The following ZNF780B variants were observed in gnomAD, a reference collection of about 807,000 sequenced individuals.
ZNF780B encodes the protein zinc finger protein 780B, also known as zinc finger protein 779.
A neutral mutation model predicts 74.1 loss-of-function variants in ZNF780B; 52 were observed. The ratio of observed to expected loss-of-function variants is 0.70; its 90% CI spans 0.56 to 0.88. The LOEUF is 0.88. Ranked by LOEUF, ZNF780B falls within the 40% of genes least tolerant of loss-of-function variation. The pLI, the probability that ZNF780B is intolerant of heterozygous loss-of-function variation, is 0.00. For synonymous variants in ZNF780B, 315 were observed against 324.3 expected, an observed-to-expected ratio of 0.97 and a Z score of 0.31; for missense variants, 953 against 1,007.6, an observed-to-expected ratio of 0.95 and a Z score of 0.73.
chr19:40,037,197 G>T (rs1972380044), intron 4 of ZNF780B, among the ~76,000 whole-genome samples: 1 of 150,308 alleles, frequency 6.7e-6, no homozygotes, highest in African/African-American at 2.4e-5. Flanking sequence ...TTACAGGTGT[G>T]AGCCATTGTG....
In ZNF780B at chr19:40,033,712, G is replaced by C. The variant is rs1972096652; in HGVS notation, c.*645C>G. On this transcript the variant is annotated 3_prime_UTR_variant, in exon 5 of 5. Coordinates refer to ENST00000434248, the MANE Select transcript of ZNF780B (RefSeq NM_001005851.3). ...TTCTAACTATAATGAATTTTCTGAT[G>C]TTGCGTAAGCAGATCATTCACAGTA... is the stretch of plus-strand genomic sequence containing the variant. 1 of 156,270 alleles carries C rather than the reference G, an allele frequency of 6.4e-6. No individual in the cohort carries two copies. 9.7% of individuals were successfully genotyped at this position (156,270 alleles called of 1,614,324 possible).
chr19:40,030,843 G>C lies in ZNF780B; in HGVS notation c.*3514C>G, dbSNP rs1971977473. The C allele has an allele frequency of 6.6e-6, 1 of 152,002 alleles. No homozygotes were observed. Among genetic ancestry groups the C allele is most frequent in the African/African-American group, 2.4e-5 (1 of 41,386 alleles). 9.4% of individuals were successfully genotyped at this position (152,002 alleles called of 1,614,324 possible). ...ACCCAGGGACTCTGCTGATTTCAAA[G>C]AAGAAAGTTCAAGAGAATGGATAGA... On this transcript the variant is annotated 3_prime_UTR_variant, in exon 5 of 5. Transcript: ENST00000434248.
chr19:40,035,707 T>C lies in ZNF780B; in HGVS notation c.1152A>G (p.Thr384=), dbSNP rs760975032. The C allele has an allele frequency of 6.2e-7, 1 of 1,614,084 alleles. No homozygotes were observed. Among genetic ancestry groups the C allele is most frequent in the African/African-American group, 1.3e-5 (1 of 75,018 alleles). The stretch of plus-strand genomic sequence containing the variant: ...CTTTACATTCAAATGGTTTTTCACC[T>C]GTGTGAATATTCTTATGGCGATTAA... The part of the protein sequence containing the change: ...NQLNRHKNIH[T]GEKPFECKEC... Residue 384 remains threonine (T), a synonymous_variant, in exon 5 of 5, where the codon ACA becomes ACG. Coordinates refer to ENST00000434248, the MANE Select transcript of ZNF780B (RefSeq NM_001005851.3).
chr19:40,046,196 T>C (rs1972925733), intron 4 of ZNF780B, among the ~76,000 whole-genome samples: 1 of 151,706 alleles, frequency 6.6e-6, no homozygotes, highest in Non-Finnish European at 1.5e-5. Context: ...CAGAGTAGAG[T>C]GACTCTAATT....
chr19:40,050,513 C>T, intron 1 of ZNF780B, 136 bp from the exon 2 acceptor site: 1 of 897,182 alleles, frequency 1.1e-6, no homozygotes, highest in Non-Finnish European at 1.7e-6. Context: ...TCTCCCGTCA[C>T]TCCCTTTTTC....
rs1331772576 is a variant in ZNF780B at position 40,036,381 on chromosome 19, T to A, written c.478A>T (p.Asn160Tyr). 1 of 1,611,502 alleles carries A rather than the reference T, an allele frequency of 6.2e-7. No individual in the cohort carries two copies. The highest frequency in any genetic ancestry group is 2.2e-5 in the East Asian group (1 of 44,842). The change falls in exon 5 of 5, where the codon AAT becomes TAT. Residue 160 changes from asparagine to tyrosine, a missense_variant. Physicochemically the swap from Asn to Tyr is moderately radical, Grantham distance 143 (BLOSUM62 -2). Transcript: ENST00000434248. ...PAYTHASPIH[N>Y]THKPYECKEC... ...TTACATTCATATGGTTTATGTGTAT[T>A]ATGAATAGGAGAAGCATGAGTATAA...
chr19:40,039,327 G>C (rs984135776), intron 4 of ZNF780B, among the ~76,000 whole-genome samples: 1 of 152,222 alleles, frequency 6.6e-6, no homozygotes, highest in African/African-American at 2.4e-5. Context: ...TTGTAGTATA[G>C]TTTGAAGTCA....
Position 40,050,319 on chromosome 19 carries a change from C to T in ZNF780B, c.9+5G>A. On this transcript the variant is annotated splice_donor_5th_base_variant and intron_variant, in intron 2 of 4. Coordinates refer to ENST00000434248, the MANE Select transcript of ZNF780B (RefSeq NM_001005851.3). ...TATTTCAAGAAGACAGAAACACCAA[C>T]TTACATGGACCATGTTTCTAGAATT... 6.3e-7 allele frequency: 1 copy of T among 1,594,366 alleles called. No homozygotes were observed. The highest frequency in any genetic ancestry group is 1.3e-5 in the African/African-American group (1 of 74,648).
Position 40,036,433 on chromosome 19 carries a change from C to G in ZNF780B, c.426G>C (p.Lys142Asn). The G allele has an allele frequency of 6.2e-7, 1 of 1,609,008 alleles. No individual in the cohort carries two copies. The highest frequency in any genetic ancestry group is 8.5e-7 in the Non-Finnish European group (1 of 1,178,464). ...CAGGCATTTCTTCATAGCTGATGAT[C>G]TTCTGGTTGATATATCCTTCTTGAT... ...QGHQEGYINQ[K>N]IISYEEMPAY... Residue 142 changes from lysine (K) to asparagine (N), a missense_variant, in exon 5 of 5, where the codon AAG becomes AAC. By Grantham distance (94) the Lys-to-Asn change is moderately conservative (BLOSUM62 0). Transcript: ENST00000434248.
chr19:40,034,173 T>C lies in ZNF780B; in HGVS notation c.*184A>G. ...ATGACTAAAGGCTTTCCCACATTCTTCACATTGATATGGTTTCTCACCAGT... is the reference window on the plus strand; with the variant it reads ...ATGACTAAAGGCTTTCCCACATTCTCCACATTGATATGGTTTCTCACCAGT... On this transcript the variant is annotated 3_prime_UTR_variant, in exon 5 of 5. Coordinates refer to ENST00000434248, the MANE Select transcript of ZNF780B (RefSeq NM_001005851.3). The C allele has an allele frequency of 1.5e-6, 1 of 670,100 alleles. No individual in the cohort carries two copies. Among genetic ancestry groups the C allele is most frequent in the African/African-American group, 1.8e-5 (1 of 55,440 alleles). 41.5% of individuals were successfully genotyped at this position (670,100 alleles called of 1,614,324 possible).
At chr19:40,039,819 A>C (rs908807186) in intron 4 of ZNF780B, among the ~76,000 whole-genome samples, 1 of 151,878 alleles carries the variant, frequency 6.6e-6, no homozygotes, top group Non-Finnish European at 1.5e-5. Context: ...GGCTGAGACA[A>C]TGGGGTTTTC....
chr19:40,040,803 TC>T (rs1377597198), intron 4 of ZNF780B, among the ~76,000 whole-genome samples: 1 of 152,234 alleles, frequency 6.6e-6, no homozygotes, highest in African/African-American at 2.4e-5. Flanking sequence ...TTCTCTCTTT[TC>T]TTCTTTATTA....
Position 40,030,064 on chromosome 19 carries a change from T to C in ZNF780B, c.*4293A>G, listed in dbSNP as rs537024560. On this transcript the variant is annotated 3_prime_UTR_variant, in exon 5 of 5. Transcript: ENST00000434248. ...GGGTTTATCTAGATATAGCCCCATT[T>C]TAAGTCAAGGAGCATACTCTGACTG... The C allele has an allele frequency of 2.0e-5, 3 of 152,330 alleles. No homozygotes were observed. The highest frequency in any genetic ancestry group is 4.8e-5 in the African/African-American group (2 of 41,572). The allele number at this position is 152,330 out of a possible 1,614,324, so 9.4% of individuals were successfully genotyped here.
chr19:40,050,294 T>C (rs758403430), intron 2 of ZNF780B, 30 bp downstream of exon 2: 2 of 1,567,512 alleles, frequency 1.3e-6, no homozygotes, highest in South Asian at 1.1e-5. Context: ...AAAGTCACCA[T>C]ATTTCAAGAA....
intron 4 of ZNF780B, among the ~76,000 whole-genome samples, chr19:40,046,733 T>C (rs1972947970): frequency 6.6e-6 from 1 of 152,246 alleles, no homozygotes; most frequent in South Asian, 2.1e-4. Context: ...TCTCACCAAC[T>C]GCTGGTAAAG....
intron 1 of ZNF780B, among the ~76,000 whole-genome samples, chr19:40,051,813 G>A (rs1973244994): frequency 6.6e-6 from 1 of 152,200 alleles, no homozygotes; most frequent in African/African-American, 2.4e-5. Flanking sequence ...GAGAAAATCT[G>A]TGGAATGTAC....
intron 2 of ZNF780B, among the ~76,000 whole-genome samples, chr19:40,049,750 T>C (rs527916877): frequency 1.3e-5 from 2 of 152,344 alleles, no homozygotes; most frequent in East Asian, 3.9e-4. Context: ...TCCAACATTC[T>C]TTCTGACCAA....
chr19:40,033,325 G>A lies in ZNF780B; in HGVS notation c.*1032C>T, dbSNP rs1972077746. Reference sequence around the variant, plus strand: ...TGCAAACCTTCAGTGTGTATAAAATGCAGTAACTGCAATGCACAATTAAGC... The same window carrying A: ...TGCAAACCTTCAGTGTGTATAAAATACAGTAACTGCAATGCACAATTAAGC... On this transcript the variant is annotated 3_prime_UTR_variant, in exon 5 of 5. Transcript: ENST00000434248. 1 of 154,950 alleles carries A rather than the reference G, an allele frequency of 6.5e-6. No individual in the cohort carries two copies. Among genetic ancestry groups the A allele is most frequent in the Admixed American group, 6.5e-5 (1 of 15,284 alleles). 9.6% of individuals were successfully genotyped at this position (154,950 alleles called of 1,614,324 possible). A position where few individuals can be genotyped will look rare whatever the true frequency, so the allele number is the denominator to read the frequency against.
In ZNF780B at chr19:40,032,899, GGAGTA is replaced by G. The variant is rs1972061501; in HGVS notation, c.*1453_*1457del. ...GGTAACACACATGCTGATGTAACAA[GGAGTA>G]AAGTGTCATGATATCTAAAACTTAT... On this transcript the variant is annotated 3_prime_UTR_variant, in exon 5 of 5. Coordinates refer to ENST00000434248, the MANE Select transcript of ZNF780B (RefSeq NM_001005851.3). The G allele has an allele frequency of 6.5e-6, 1 of 152,956 alleles. No homozygotes were observed. Among genetic ancestry groups the G allele is most frequent in the African/African-American group, 2.4e-5 (1 of 41,406 alleles). The allele number at this position is 152,956 out of a possible 1,614,324, so 9.5% of individuals were successfully genotyped here. A position where few individuals can be genotyped will look rare whatever the true frequency, so the allele number is the denominator to read the frequency against.
Sources: gnomAD v4.1 joint callset for allele counts (sites outside exome capture counted in the v4.1 genomes callset) on GRCh38, gnomAD v4.1.1 for gene constraint, MANE v1.5 for transcripts, NCBI Gene and HGNC (gene_info 2026-07-23, HGNC 2026-07-21) for gene names.